The following PRKCB variants were observed in gnomAD, a reference collection of about 807,000 sequenced individuals.
PRKCB encodes protein kinase C beta type.
PRKCB carries 13 observed loss-of-function variants against 81.5 expected under a neutral mutation model. The ratio of observed to expected loss-of-function variants is 0.16; its 90% CI spans 0.10 to 0.25. PRKCB has a LOEUF of 0.25. PRKCB is among the 10% of genes least tolerant of loss of function. The pLI, the probability that PRKCB is intolerant of heterozygous loss-of-function variation, is 1.00. For synonymous variants in PRKCB, 335 were observed against 321.4 expected (o/e 1.04, Z -0.45); for missense variants, 509 against 875.7 (o/e 0.58, Z 5.29).
intron 2 of PRKCB, among the ~76,000 whole-genome samples, chr16:23,959,708 T>C (rs1357281739): frequency 1.3e-5 from 1 of 76,488 alleles, no homozygotes; most frequent in East Asian, 4.1e-4. Flanking sequence ...TCCTCACTGG[T>C]TCTGCTTTCC....
chr16:23,944,266 C>A (rs915995920), intron 2 of PRKCB, among the ~76,000 whole-genome samples: 2 of 152,092 alleles, frequency 1.3e-5, no homozygotes, highest in Non-Finnish European at 2.9e-5. Context: ...GACTCCATTG[C>A]CTCAAAGTCT....
intron 9 of PRKCB, among the ~76,000 whole-genome samples, chr16:24,124,804 C>G (rs1445413432): frequency 6.6e-6 from 1 of 152,168 alleles, no homozygotes; most frequent in Admixed American, 6.5e-5. Context: ...AAGCCAAAAA[C>G]CTGGGAGTTA....
intron 2 of PRKCB, among the ~76,000 whole-genome samples, chr16:23,950,657 A>G (rs1265927039): frequency 6.6e-6 from 1 of 152,218 alleles, no homozygotes; most frequent in Admixed American, 6.5e-5. Flanking sequence ...ATTATTGGGT[A>G]GAACAGAGGG....
intron 2 of PRKCB, among the ~76,000 whole-genome samples, chr16:23,984,120 T>C (rs181383460): frequency 2.9e-3 from 435 of 152,312 alleles, no homozygotes; most frequent in African/African-American, 0.01. Flanking sequence ...CATAACATCT[T>C]TAAATGTTTA....
At chr16:24,182,163 G>T (rs1967636577) in intron 13 of PRKCB, among the ~76,000 whole-genome samples, 1 of 152,076 alleles carries the variant, frequency 6.6e-6, no homozygotes, top group Admixed American at 6.6e-5. Flanking sequence ...ATAGGCCAGG[G>T]GTTCCATAAT....
intron 2 of PRKCB, among the ~76,000 whole-genome samples, chr16:23,855,885 G>A (rs1962557766): frequency 6.6e-6 from 1 of 152,198 alleles, no homozygotes; most frequent in African/African-American, 2.4e-5. Context: ...GGAGTCCCAG[G>A]GAGGACACAG....
chr16:23,904,432 G>A (rs1963526466), intron 2 of PRKCB, among the ~76,000 whole-genome samples: 1 of 152,186 alleles, frequency 6.6e-6, no homozygotes, highest in Non-Finnish European at 1.5e-5. Context: ...GGAGGCTGAG[G>A]CAGGTGGATT....
At chr16:23,881,970 C>CTT (rs1234245028) in intron 2 of PRKCB, among the ~76,000 whole-genome samples, 3 of 16,310 alleles carry the variant, frequency 1.8e-4, no homozygotes. Flanking sequence ...CTTTTCCTTT[C>CTT]TTTCTTTCTT....
At chr16:23,956,470 G>A (rs1474537927) in intron 2 of PRKCB, among the ~76,000 whole-genome samples, 1 of 152,100 alleles carries the variant, frequency 6.6e-6, no homozygotes, top group Non-Finnish European at 1.5e-5. Context: ...TTAGCAATAG[G>A]CATTTGGATT....
chr16:24,139,003 C>G (rs1966877128), intron 9 of PRKCB, among the ~76,000 whole-genome samples: 1 of 151,892 alleles, frequency 6.6e-6, no homozygotes, highest in African/African-American at 2.4e-5. Flanking sequence ...AGGCATGCAC[C>G]ACTATGCCCG....
chr16:24,059,894 G>T (rs1481649105), intron 5 of PRKCB, among the ~76,000 whole-genome samples: 1 of 152,146 alleles, frequency 6.6e-6, no homozygotes, highest in Non-Finnish European at 1.5e-5. Flanking sequence ...CTCTTTCAGT[G>T]GCATAGTAGG....
At chr16:23,865,525 G>A (rs868736200) in intron 2 of PRKCB, among the ~76,000 whole-genome samples, 152 of 1,854 alleles carry the variant, frequency 0.082, no homozygotes, top group South Asian at 0.25. Flanking sequence ...ATATGTGTGT[G>A]TGTGTGTGTG....
intron 2 of PRKCB, among the ~76,000 whole-genome samples, chr16:23,926,603 A>T (rs1272102191): frequency 6.6e-6 from 1 of 151,238 alleles, no homozygotes; most frequent in East Asian, 1.9e-4. Flanking sequence ...TACCACACAC[A>T]TACGTGTATA....
At chr16:23,848,984 C>T (rs1010576339) in intron 2 of PRKCB, among the ~76,000 whole-genome samples, 23 of 152,192 alleles carry the variant, frequency 1.5e-4, no homozygotes, top group Non-Finnish European at 8.8e-5. Context: ...AATGGATGTG[C>T]TTACATGTCG....
At chr16:23,997,377 G>A (rs1964973472) in intron 3 of PRKCB, among the ~76,000 whole-genome samples, 1 of 152,154 alleles carries the variant, frequency 6.6e-6, no homozygotes, top group African/African-American at 2.4e-5. Context: ...ACTATGAATG[G>A]CCCAGACCCT....
chr16:23,836,395 G>A (rs757806380), intron 1 of PRKCB, 47 bp downstream of exon 1: 1 of 1,585,206 alleles, frequency 6.3e-7, no homozygotes, highest in Non-Finnish European at 8.6e-7. Context: ...CGAGGGCAGC[G>A]CCGCGCCAGG....
intron 2 of PRKCB, among the ~76,000 whole-genome samples, chr16:23,914,948 T>A (rs946255664): frequency 2.6e-5 from 4 of 152,230 alleles, no homozygotes; most frequent in Non-Finnish European, 5.9e-5. Flanking sequence ...TCCTGGGTGC[T>A]TCTGTTTTCT....
intron 2 of PRKCB, among the ~76,000 whole-genome samples, chr16:23,861,917 G>A (rs1962673002): frequency 6.6e-6 from 1 of 152,158 alleles, no homozygotes; most frequent in Admixed American, 6.5e-5. Flanking sequence ...TTCTCTTACT[G>A]CTTAAAACGT....
At chr16:23,921,785 A>G (rs1218682162) in intron 2 of PRKCB, among the ~76,000 whole-genome samples, 1 of 152,194 alleles carries the variant, frequency 6.6e-6, no homozygotes, top group Non-Finnish European at 1.5e-5. Flanking sequence ...AGACTCTGTC[A>G]AAAAAAGAAA....
Sources: allele counts gnomAD v4.1 joint callset (sites outside exome capture counted in the v4.1 genomes callset), GRCh38; gene constraint gnomAD v4.1.1; transcripts MANE v1.5; gene names NCBI Gene and HGNC (gene_info 2026-07-23, HGNC 2026-07-21).